The following CALD1 variants were observed in gnomAD, a reference collection of about 807,000 sequenced individuals.
CALD1 encodes the protein caldesmon 1.
In CALD1, 33 loss-of-function variants were observed where a neutral mutation model predicts 99.9. The observed-to-expected ratio is 0.33, with a 90% CI of 0.25 to 0.44. The LOEUF (loss-of-function observed/expected upper bound fraction) is 0.44. CALD1 is among the 20% of genes least tolerant of loss of function. The pLI, the probability that CALD1 is intolerant of heterozygous loss-of-function variation, is 1.00. For missense variants in CALD1, 861 were observed against 962.1 expected, an observed-to-expected ratio of 0.89 and a Z score of 1.39; for synonymous variants, 310 against 325.0, an observed-to-expected ratio of 0.95 and a Z score of 0.50.
intron 14 of CALD1, among the ~76,000 whole-genome samples, chr7:134,967,514 G>T (rs1207011065): frequency 2.0e-5 from 3 of 152,108 alleles, no homozygotes; most frequent in African/African-American, 7.2e-5. Flanking sequence ...AGGACTATAG[G>T]TCAGATAAGT....
intron 1 of CALD1, among the ~76,000 whole-genome samples, chr7:134,809,322 A>G (rs1798268588): frequency 6.6e-6 from 1 of 152,232 alleles, no homozygotes; most frequent in African/African-American, 2.4e-5. Flanking sequence ...GAACTGATGC[A>G]TAAGAGAGAA....
intron 1 of CALD1, among the ~76,000 whole-genome samples, chr7:134,827,544 A>G (rs1799049555): frequency 6.6e-6 from 1 of 152,244 alleles, no homozygotes; most frequent in Non-Finnish European, 1.5e-5. Flanking sequence ...TCCAGTAAGA[A>G]AGTGGCACAA....
At chr7:134,763,540 C>T (rs1292240710) in intron 1 of CALD1, among the ~76,000 whole-genome samples, 1 of 152,166 alleles carries the variant, frequency 6.6e-6, no homozygotes, top group East Asian at 1.9e-4. Context: ...CTTTCCCTAA[C>T]ACCTCTTTCT....
At chr7:134,797,429 AGTGCTT>A (rs1342841861) in intron 1 of CALD1, among the ~76,000 whole-genome samples, 3 of 152,254 alleles carry the variant, frequency 2.0e-5, no homozygotes, top group Non-Finnish European at 4.4e-5. Context: ...CATATGTGAA[AGTGCTT>A]GTGCTTTGTA....
chr7:134,823,135 T>C (rs1002617234), intron 1 of CALD1, among the ~76,000 whole-genome samples: 1 of 152,170 alleles, frequency 6.6e-6, no homozygotes, highest in African/African-American at 2.4e-5. Context: ...GTACATATCA[T>C]CTCAAAAGGA....
At chr7:134,875,670 G>A (rs1421699809) in intron 3 of CALD1, among the ~76,000 whole-genome samples, 4 of 152,286 alleles carry the variant, frequency 2.6e-5, no homozygotes, top group Non-Finnish European at 2.9e-5. Flanking sequence ...CCAGATTTTC[G>A]TCACCGTGGG....
intron 1 of CALD1, among the ~76,000 whole-genome samples, chr7:134,790,229 T>C (rs1215940230): frequency 6.6e-6 from 1 of 151,984 alleles, no homozygotes; most frequent in African/African-American, 2.4e-5. Context: ...AATGGATTGA[T>C]AGTTATCTGA....
At chr7:134,760,433 G>A in intron 1 of CALD1, among the ~76,000 whole-genome samples, 1 of 152,164 alleles carries the variant, frequency 6.6e-6, no homozygotes, top group Non-Finnish European at 1.5e-5. Flanking sequence ...GCAGAAGAGA[G>A]ACAGAAAATT....
chr7:134,816,281 A>G (rs1798560972), intron 1 of CALD1, among the ~76,000 whole-genome samples: 1 of 152,202 alleles, frequency 6.6e-6, no homozygotes, highest in Admixed American at 6.5e-5. Context: ...ATGTGTCCCT[A>G]GCACTGCATC....
intron 13 of CALD1, chr7:134,962,768 A>C: frequency 2.2e-6 from 1 of 450,360 alleles, no homozygotes; most frequent in South Asian, 1.6e-5. Context: ...TTAAAAAGCT[A>C]ATTTGTCTTT....
intron 1 of CALD1, among the ~76,000 whole-genome samples, chr7:134,802,806 G>C (rs189489026): frequency 2.1e-4 from 32 of 152,318 alleles, no homozygotes; most frequent in African/African-American, 7.7e-4. Context: ...CCATACTGTT[G>C]TAAAGTCAAA....
At chr7:134,776,573 T>TTGGTACTTTTGTGTC (rs1387416347), upstream of CALD1, among the ~76,000 whole-genome samples, 17 of 152,200 alleles carry the variant, frequency 1.1e-4, no homozygotes, top group African/African-American at 3.9e-4. Flanking sequence ...TCTATTGTGT[T>TTGGTACTTTTGTGTC]TGGTACTTTT....
At chr7:134,935,889 C>T in intron 6 of CALD1, 124 bp downstream of exon 6, 3 of 877,630 alleles carry the variant, frequency 3.4e-6, no homozygotes, top group South Asian at 3.7e-5. Flanking sequence ...AGCCATGACT[C>T]ACAGTCCACT....
At chr7:134,906,803 A>T (rs1803419254) in intron 3 of CALD1, among the ~76,000 whole-genome samples, 1 of 152,188 alleles carries the variant, frequency 6.6e-6, no homozygotes, top group Non-Finnish European at 1.5e-5. Flanking sequence ...GTCTCCTAGC[A>T]GCCCTGATAC....
chr7:134,775,462 A>C (rs1315662491), upstream of CALD1, among the ~76,000 whole-genome samples: 1 of 152,220 alleles, frequency 6.6e-6, no homozygotes, highest in Non-Finnish European at 1.5e-5. Flanking sequence ...CTGGAATCCC[A>C]GCACTTTGGG....
chr7:134,878,493 C>A (rs1801451257), intron 3 of CALD1, among the ~76,000 whole-genome samples: 1 of 152,032 alleles, frequency 6.6e-6, no homozygotes. Flanking sequence ...CACTTGAAAC[C>A]AGGAGGCAGA....
intron 1 of CALD1, among the ~76,000 whole-genome samples, chr7:134,804,876 G>C (rs543830731): frequency 6.6e-6 from 1 of 152,334 alleles, no homozygotes; most frequent in African/African-American, 2.4e-5. Context: ...AATAGAGAAA[G>C]AGTAATTCAT....
Position 134,939,565 on chromosome 7 carries a change from T to G in CALD1, c.1387-1527T>G, listed in dbSNP as rs11976025. On this transcript the variant is annotated intron_variant, in intron 6 of 14. Coordinates refer to ENST00000361675, the MANE Select transcript of CALD1 (RefSeq NM_033138.4). ...GAAGTCTTAACTAATTAGGGCAGCA[T>G]AGAAGTGAATCCCTAGTAATTAATC... is the stretch of plus-strand genomic sequence containing the variant. Among the ~76,000 whole-genome samples the G allele has an allele frequency of 8.8e-3, 1,337 of 152,274 alleles. 20 individuals carry two copies. Among genetic ancestry groups the G allele is most frequent in the African/African-American group, 0.03 (1,261 of 41,516 alleles).
intron 2 of CALD1, among the ~76,000 whole-genome samples, chr7:134,854,565 C>T (rs1800219057): frequency 6.6e-6 from 1 of 152,118 alleles, no homozygotes; most frequent in Non-Finnish European, 1.5e-5. Flanking sequence ...TTCATTTGGC[C>T]ATACACGCTA....
Sources: allele counts gnomAD v4.1 joint callset (sites outside exome capture counted in the v4.1 genomes callset), GRCh38; gene constraint gnomAD v4.1.1; transcripts MANE v1.5; gene names NCBI Gene and HGNC (gene_info 2026-07-23, HGNC 2026-07-21).